The following ARHGAP24 variants were observed in gnomAD, a reference collection of about 807,000 sequenced individuals.
The protein encoded by ARHGAP24 is rho GTPase-activating protein 24.
In ARHGAP24, 50 loss-of-function variants were observed where a neutral mutation model predicts 76.4. That is an observed-to-expected ratio of 0.65 (90% CI 0.52 to 0.83). The LOEUF (loss-of-function observed/expected upper bound fraction) is 0.83. ARHGAP24 is among the 40% of genes least tolerant of loss of function. The pLI, the probability that ARHGAP24 is intolerant of heterozygous loss-of-function variation, is 0.00. For missense variants in ARHGAP24, 930 were observed against 914.2 expected, an observed-to-expected ratio of 1.02 and a Z score of -0.22; for synonymous variants, 345 against 323.3, an observed-to-expected ratio of 1.07 and a Z score of -0.72.
intron 5 of ARHGAP24, among the ~76,000 whole-genome samples, chr4:85,944,644 G>A (rs1455087364): frequency 1.3e-5 from 2 of 151,914 alleles, no homozygotes; most frequent in Non-Finnish European, 2.9e-5. Flanking sequence ...TCTTTGTCTG[G>A]GGCCTCTTTT....
intron 1 of ARHGAP24, among the ~76,000 whole-genome samples, chr4:85,487,643 CATAT>C (rs1198773099): frequency 1.0e-5 from 1 of 99,050 alleles, no homozygotes; most frequent in African/African-American, 4.3e-5. Context: ...ATTATATAAA[CATAT>C]ATTTATTACA....
chr4:85,645,071 C>T (rs1336610054), intron 2 of ARHGAP24, among the ~76,000 whole-genome samples: 1 of 152,068 alleles, frequency 6.6e-6, no homozygotes, highest in Non-Finnish European at 1.5e-5. Flanking sequence ...CATTTTCTCT[C>T]GGATAAATTC....
chr4:85,627,237 A>G (rs1477875656), intron 2 of ARHGAP24, among the ~76,000 whole-genome samples: 1 of 151,984 alleles, frequency 6.6e-6, no homozygotes, highest in African/African-American at 2.4e-5. Flanking sequence ...ATGGTGACGT[A>G]CAGATGGGTT....
intron 2 of ARHGAP24, among the ~76,000 whole-genome samples, chr4:85,686,821 C>T (rs1398790356): frequency 6.6e-6 from 1 of 151,872 alleles, no homozygotes; most frequent in Non-Finnish European, 1.5e-5. Flanking sequence ...TCTTTAGCCA[C>T]AATTATAACA....
At chr4:85,673,224 G>A (rs549007293) in intron 2 of ARHGAP24, among the ~76,000 whole-genome samples, 95 of 152,248 alleles carry the variant, frequency 6.2e-4, no homozygotes, top group African/African-American at 2.2e-3. Flanking sequence ...ATTCTCTATC[G>A]CAGCTCTGCA....
intron 3 of ARHGAP24, among the ~76,000 whole-genome samples, chr4:85,870,081 G>A (rs3971924): frequency 0.012 from 1,888 of 152,176 alleles, 44 homozygotes; most frequent in African/African-American, 0.043. Context: ...TGCATATAAA[G>A]CTTTTTTAAA....
At chr4:85,745,696 C>T (rs1726007796) in intron 3 of ARHGAP24, among the ~76,000 whole-genome samples, 1 of 151,972 alleles carries the variant, frequency 6.6e-6, no homozygotes, top group African/African-American at 2.4e-5. Context: ...AAACATAGTC[C>T]TTGAACTTGT....
At chr4:85,832,717 T>A (rs935312068) in intron 3 of ARHGAP24, among the ~76,000 whole-genome samples, 25 of 152,192 alleles carry the variant, frequency 1.6e-4, no homozygotes, top group African/African-American at 6.0e-4. Flanking sequence ...AGAAAAAAAG[T>A]ACCACCAAAA....
chr4:85,655,555 G>A (rs1252350354), intron 2 of ARHGAP24, among the ~76,000 whole-genome samples: 1 of 151,882 alleles, frequency 6.6e-6, no homozygotes, highest in South Asian at 2.1e-4. Context: ...GCCAAGGCAG[G>A]TGGATCACTT....
chr4:85,930,605 T>C, intron 4 of ARHGAP24: 1 of 1,053,174 alleles, frequency 9.5e-7, no homozygotes, highest in South Asian at 3.7e-5. Flanking sequence ...TCCTGCTGTT[T>C]GAATGGGAAT....
chr4:85,549,953 A>G (rs1374034273), intron 1 of ARHGAP24, among the ~76,000 whole-genome samples: 3 of 152,200 alleles, frequency 2.0e-5, no homozygotes, highest in African/African-American at 7.2e-5. Context: ...TTATGGCTAC[A>G]TAGTATTCCA....
At chr4:85,679,325 T>C (rs1723115525) in intron 2 of ARHGAP24, among the ~76,000 whole-genome samples, 1 of 152,188 alleles carries the variant, frequency 6.6e-6, no homozygotes. Flanking sequence ...TTTACTTCAC[T>C]TTATTTCTCT....
intron 3 of ARHGAP24, among the ~76,000 whole-genome samples, chr4:85,824,773 C>T (rs2110127868): frequency 6.6e-6 from 1 of 152,156 alleles, no homozygotes; most frequent in East Asian, 1.9e-4. Flanking sequence ...TACACTAGGG[C>T]AATACTAGCA....
chr4:85,808,669 C>G (rs777131586), intron 3 of ARHGAP24, among the ~76,000 whole-genome samples: 4 of 152,122 alleles, frequency 2.6e-5, no homozygotes, highest in Non-Finnish European at 5.9e-5. Flanking sequence ...TATCCAGAGT[C>G]TAGAATTAAA....
chr4:85,500,573 G>C (rs558538742), intron 1 of ARHGAP24, among the ~76,000 whole-genome samples: 16 of 152,212 alleles, frequency 1.1e-4, no homozygotes, highest in African/African-American at 3.9e-4. Flanking sequence ...AACTTTTAAA[G>C]TAATTTATTT....
intron 3 of ARHGAP24, among the ~76,000 whole-genome samples, chr4:85,846,687 C>A (rs1388877615): frequency 6.6e-6 from 1 of 152,146 alleles, no homozygotes; most frequent in Non-Finnish European, 1.5e-5. Flanking sequence ...TGTCAGGATT[C>A]CAATACTGTT....
At chr4:85,802,777 G>A (rs1044542944) in intron 3 of ARHGAP24, among the ~76,000 whole-genome samples, 1 of 152,154 alleles carries the variant, frequency 6.6e-6, no homozygotes, top group South Asian at 2.1e-4. Flanking sequence ...GGCAACAAGA[G>A]CAAAACTCCG....
At chr4:85,834,386 A>G (rs115192293) in intron 3 of ARHGAP24, among the ~76,000 whole-genome samples, 9 of 152,242 alleles carry the variant, frequency 5.9e-5, no homozygotes, top group African/African-American at 2.2e-4. Flanking sequence ...AGAGAATTGC[A>G]TAAAAGAATA....
chr4:85,954,630 T>C (rs1261264577), intron 5 of ARHGAP24, among the ~76,000 whole-genome samples: 1 of 152,124 alleles, frequency 6.6e-6, no homozygotes, highest in African/African-American at 2.4e-5. Flanking sequence ...TTTAATTTGT[T>C]CTAGCTTAGT....
Sources: allele counts gnomAD v4.1 joint callset (sites outside exome capture counted in the v4.1 genomes callset), GRCh38; gene constraint gnomAD v4.1.1; transcripts MANE v1.5; gene names NCBI Gene and HGNC (gene_info 2026-07-23, HGNC 2026-07-21).